The following MTCH1 variants were observed in gnomAD, a reference collection of about 807,000 sequenced individuals.
MTCH1 encodes mitochondrial carrier 1.
MTCH1 carries 23 observed loss-of-function variants against 49.3 expected under a neutral mutation model. The observed-to-expected ratio is 0.47, with a 90% confidence interval of 0.34 to 0.66. The LOEUF (loss-of-function observed/expected upper bound fraction) is 0.66. Ranked by LOEUF, MTCH1 falls within the 30% of genes least tolerant of loss-of-function variation. The pLI is 0.01. For missense variants in MTCH1, 397 were observed against 532.1 expected, an observed-to-expected ratio of 0.75 and a Z score of 2.50; for synonymous variants, 229 against 215.2, an observed-to-expected ratio of 1.06 and a Z score of -0.56.
At chr6:36,976,184 G>C (rs530813530) in intron 6 of MTCH1, among the ~76,000 whole-genome samples, 358 of 152,234 alleles carry the variant, frequency 2.4e-3, no homozygotes, top group Non-Finnish European at 4.1e-3. Flanking sequence ...AAGAATACAG[G>C]GCCCTGCAGG....
chr6:36,969,924 A>G (rs1241597667), intron 11 of MTCH1, 115 bp downstream of exon 11: 2 of 1,551,696 alleles, frequency 1.3e-6, no homozygotes, highest in South Asian at 2.4e-5. Flanking sequence ...TCCTCACAAT[A>G]TTGAATTCCA....
chr6:36,976,494 CAACCTCAT>C, intron 6 of MTCH1: 1 of 470,850 alleles, frequency 2.1e-6, no homozygotes, highest in South Asian at 1.5e-5. Context: ...TCCCAACTAC[CAACCTCAT>C]AATCAGTCTA....
At chr6:36,973,080 C>G (rs1417023506) in intron 7 of MTCH1, among the ~76,000 whole-genome samples, 1 of 152,190 alleles carries the variant, frequency 6.6e-6, no homozygotes, top group African/African-American at 2.4e-5. Flanking sequence ...GATGTGAATA[C>G]TGCCAAATTT....
At chr6:36,984,094 T>A (rs1764205084) in intron 1 of MTCH1, among the ~76,000 whole-genome samples, 1 of 152,158 alleles carries the variant, frequency 6.6e-6, no homozygotes, top group Admixed American at 6.6e-5. Flanking sequence ...TCCCTCACAC[T>A]GAGCCCTTGT....
In MTCH1 at chr6:36,972,349, A is replaced by G. The variant is rs1763714879; in HGVS notation, c.906+303T>C. Among the ~76,000 whole-genome samples, 1 of 152,174 alleles carries G rather than the reference A, an allele frequency of 6.6e-6. No individual in the cohort carries two copies. Among genetic ancestry groups the G allele is most frequent in the Non-Finnish European group, 1.5e-5 (1 of 68,030 alleles). On this transcript the variant is annotated intron_variant, in intron 8 of 11. Coordinates refer to ENST00000373627, the MANE Select transcript of MTCH1 (RefSeq NM_001271641.2). The surrounding 1 kb of genome is among the most constrained non-coding windows in gnomAD (Gnocchi z 4.1). ...AGAGGTGATCACTATTAGCTGGTCT[A>G]TCTTCTGACTTCCTGAGCCCTAGTT...
Position 36,977,612 on chromosome 6 carries a change from C to CG in MTCH1, c.649+21dup. 6.4e-7 allele frequency: 1 copy of CG among 1,559,872 alleles called. No homozygotes were observed. Among genetic ancestry groups the CG allele is most frequent in the Non-Finnish European group, 8.8e-7 (1 of 1,136,608 alleles). On this transcript the variant is annotated intron_variant, in intron 5 of 11. Transcript: ENST00000373627. The surrounding 1 kb of genome is among the most constrained non-coding windows in gnomAD (Gnocchi z 5.4). ...CCCGACGCCAGCTTAGATACAGTCT[C>CG]GGGGGAAGGGGGGTGGCTTACCATG...
chr6:36,986,262 C>A, upstream of MTCH1: 5 of 1,227,788 alleles, frequency 4.1e-6, no homozygotes, highest in Non-Finnish European at 5.2e-6. Flanking sequence ...CGCACCACTC[C>A]AGGCCGCGGG....
In MTCH1 at chr6:36,968,685, T is replaced by C; in HGVS notation, c.*218A>G. 2 of 717,252 alleles carry C rather than the reference T, an allele frequency of 2.8e-6. No homozygotes were observed. Among genetic ancestry groups the C allele is most frequent in the South Asian group, 3.0e-5 (2 of 67,396 alleles). 44.4% of individuals were successfully genotyped at this position (717,252 alleles called of 1,614,324 possible). ...TGCCAACTCCCCACCTCGCCTCACC[T>C]TCCCTAGGTCTGCCGGGTGACCCAA... On this transcript the variant is annotated 3_prime_UTR_variant, in exon 12 of 12. Transcript: ENST00000373627.
intron 11 of MTCH1, chr6:36,969,564 C>T: frequency 8.7e-7 from 1 of 1,151,532 alleles, no homozygotes; most frequent in Non-Finnish European, 1.1e-6. Context: ...TGCCAGTTCC[C>T]CACGTGGCCC....
chr6:36,978,157 T>C lies in MTCH1; in HGVS notation c.514-2A>G. 1 of 1,611,288 alleles carries C rather than the reference T, an allele frequency of 6.2e-7. No homozygotes were observed. The highest frequency in any genetic ancestry group is 1.3e-5 in the African/African-American group (1 of 74,986). ...CTCAATCTCATCTGGAGGGAAAACCTGAAACAGAGAAGGGAAAGAACCAAG... is the reference window on the plus strand; with the variant it reads ...CTCAATCTCATCTGGAGGGAAAACCCGAAACAGAGAAGGGAAAGAACCAAG... On this transcript the variant is annotated splice_acceptor_variant, in intron 3 of 11. Transcript: ENST00000373627. LOFTEE classifies it high-confidence loss of function.
upstream of MTCH1, chr6:36,986,381 G>A: frequency 2.5e-6 from 1 of 402,122 alleles, no homozygotes; most frequent in Non-Finnish European, 4.2e-6. Flanking sequence ...ATGGTGGCGG[G>A]CAGCCGGGGC....
chr6:36,970,282 C>T, intron 10 of MTCH1, 124 bp downstream of exon 10: 1 of 1,461,020 alleles, frequency 6.8e-7, no homozygotes, highest in South Asian at 1.2e-5. Context: ...AGCCAGGGTG[C>T]CTGGCAGGCC....
chr6:36,974,690 C>T (rs1419060076), intron 7 of MTCH1, among the ~76,000 whole-genome samples: 1 of 152,080 alleles, frequency 6.6e-6, no homozygotes, highest in Non-Finnish European at 1.5e-5. Flanking sequence ...TGCTGAGAAC[C>T]GTATATATAT....
intron 7 of MTCH1, 79 bp downstream of exon 7, chr6:36,975,579 T>C: frequency 1.4e-6 from 2 of 1,396,700 alleles, no homozygotes; most frequent in Non-Finnish European, 1.0e-6. Flanking sequence ...GGCCAGCAGC[T>C]GCGGTCTGAG....
chr6:36,969,629 C>A, intron 11 of MTCH1: 1 of 1,188,392 alleles, frequency 8.4e-7, no homozygotes, highest in Non-Finnish European at 1.1e-6. Context: ...AGGGAGGAGT[C>A]GGTTTCCAAT....
intron 10 of MTCH1, 33 bp downstream of exon 10, chr6:36,970,373 G>A (rs756236531): frequency 1.2e-6 from 2 of 1,612,538 alleles, no homozygotes; most frequent in Non-Finnish European, 1.7e-6. Flanking sequence ...AGCCTTGGTA[G>A]GTAGAGTGGC....
Position 36,970,678 on chromosome 6 carries a change from G to C in MTCH1, c.923C>G (p.Ala308Gly). 1 of 1,614,176 alleles carries C rather than the reference G, an allele frequency of 6.2e-7. No homozygotes were observed. The highest frequency in any genetic ancestry group is 8.5e-7 in the Non-Finnish European group (1 of 1,180,034). ...CACGAACTTGGTATAGCTCCGGATG[G>C]CCAGGGCCTGGCTGAACTGAGGAGA... ...NPGSQFSQAL[A>G]IRSYTKFVMG... Residue 308 changes from alanine (A) to glycine (G), a missense_variant, in exon 9 of 12, where the codon GCC becomes GGC. Ala to Gly is a moderately conservative substitution (Grantham distance 60, BLOSUM62 0). Coordinates refer to ENST00000373627, the MANE Select transcript of MTCH1 (RefSeq NM_001271641.2).
intron 2 of MTCH1, among the ~76,000 whole-genome samples, chr6:36,979,077 A>G (rs1475149581): frequency 6.6e-6 from 1 of 152,112 alleles, no homozygotes; most frequent in African/African-American, 2.4e-5. Context: ...AAAGGAGGGA[A>G]AAAGGAAAAG....
chr6:36,977,590 G>T lies in MTCH1; in HGVS notation c.649+44C>A. On this transcript the variant is annotated intron_variant, in intron 5 of 11. Coordinates refer to ENST00000373627, the MANE Select transcript of MTCH1 (RefSeq NM_001271641.2). This position sits in a 1 kb window ranked among gnomAD's most constrained non-coding sequence, Gnocchi z 5.4. Reference sequence around the variant, plus strand: ...GGGGCGCCCCTCACCCCACGCCCCCGACGCCAGCTTAGATACAGTCTCGGG... The same window carrying T: ...GGGGCGCCCCTCACCCCACGCCCCCTACGCCAGCTTAGATACAGTCTCGGG... 6.9e-7 allele frequency: 1 copy of T among 1,451,552 alleles called. No individual in the cohort carries two copies. The highest frequency in any genetic ancestry group is 1.2e-5 in the South Asian group (1 of 83,196). The allele number at this position is 1,451,552 out of a possible 1,614,324, so 89.9% of individuals were successfully genotyped here.
Sources: gnomAD v4.1 joint callset for allele counts (sites outside exome capture counted in the v4.1 genomes callset) on GRCh38, gnomAD v4.1.1 for gene constraint, Gnocchi (gnomAD v3.1) non-coding constraint, MANE v1.5 for transcripts, NCBI Gene and HGNC (gene_info 2026-07-23, HGNC 2026-07-21) for gene names.